ZNF507: variants seen among roughly 807,000 people sequenced by gnomAD.
ZNF507 encodes the protein zinc finger protein 507.
In ZNF507, 29 loss-of-function variants were observed where a neutral mutation model predicts 80.0. The observed-to-expected ratio is 0.36, with a 90% CI of 0.27 to 0.49. The LOEUF (loss-of-function observed/expected upper bound fraction) is 0.49. Ranked by LOEUF, ZNF507 falls within the 20% of genes least tolerant of loss-of-function variation. The pLI, the probability that ZNF507 is intolerant of heterozygous loss-of-function variation, is 0.98. For synonymous variants in ZNF507, 462 were observed against 422.5 expected (o/e 1.09, Z -1.15); for missense variants, 1,081 against 1,152.2 (o/e 0.94, Z 0.90).
intron 5 of ZNF507, among the ~76,000 whole-genome samples, chr19:32,374,681 C>T (rs1455899873): frequency 6.6e-6 from 1 of 152,036 alleles, no homozygotes; most frequent in East Asian, 1.9e-4. Flanking sequence ...AGGGTTTTAC[C>T]ATGTTGGCCA....
rs1335222066 is a variant in ZNF507 at position 32,352,892 on chromosome 19, T to C, written c.62T>C (p.Leu21Pro). 2 of 1,612,494 alleles carry C rather than the reference T, an allele frequency of 1.2e-6. No homozygotes were observed. Among genetic ancestry groups the C allele is most frequent in the Non-Finnish European group, 1.7e-6 (2 of 1,179,644 alleles). The change falls in exon 3 of 7, where the codon CTG becomes CCG. Residue 21 changes from leucine to proline, a missense_variant. Leu to Pro is a moderately conservative substitution (Grantham distance 98). Around this residue, in one of 6 missense-constraint regions of ZNF507, gnomAD observed 275 missense variants for 303.9 expected, o/e 0.90. Transcript: ENST00000355898. ...GATATTGGGGAACAGGAAGCTATACTGACTGCTGAAAGTATCATCAGTCCT... is the reference window on the plus strand; with the variant it reads ...GATATTGGGGAACAGGAAGCTATACCGACTGCTGAAAGTATCATCAGTCCT... ...VPDIGEQEAI[L>P]TAESIISPSL... is the part of the protein sequence containing the mutation.
chr19:32,381,121 C>G (rs1599560648), intron 5 of ZNF507, among the ~76,000 whole-genome samples: 1 of 152,098 alleles, frequency 6.6e-6, no homozygotes, highest in African/African-American at 2.4e-5. Context: ...ACCATACATG[C>G]ATATCGCTAT....
intron 5 of ZNF507, 39 bp from the exon 6 acceptor site, chr19:32,382,428 G>A: frequency 6.2e-7 from 1 of 1,605,566 alleles, no homozygotes; most frequent in East Asian, 2.2e-5. Context: ...CTGATGTTAT[G>A]GGACCGTTCT....
rs1967637599 is a variant in ZNF507 at position 32,382,584 on chromosome 19, G to A, written c.2478G>A (p.Ala826=). ...YEQVNKAIND[A]ISQSGRVLGK... ...AAGTAAACAAGGCTATTAACGACGC[G>A]ATTTCACAAAGTGGCAGGTATTTCA... The change falls in exon 6 of 7, where the codon GCG becomes GCA. Residue 826 remains alanine (A), a synonymous_variant. Transcript: ENST00000355898. The A allele has an allele frequency of 3.7e-6, 6 of 1,614,128 alleles. 1 individual carries two copies. Among genetic ancestry groups the A allele is most frequent in the East Asian group, 4.5e-5 (2 of 44,880 alleles).
rs562447749 is a variant in ZNF507, at chr19:32,367,940, G to A, written c.2360+7322G>A. On this transcript the variant is annotated intron_variant, in intron 5 of 6. Coordinates refer to ENST00000355898, the MANE Select transcript of ZNF507 (RefSeq NM_001136156.2). ...ACCCGGTGTGCTAAGCATTCAATAC[G>A]TGTCAGTTCAGTCCTCACAGCAGCC... Among the ~76,000 whole-genome samples, 4 of 152,286 alleles carry A rather than the reference G, an allele frequency of 2.6e-5. No homozygotes were observed. The East Asian group carries it at 7.7e-4, about 29-fold the overall frequency.
At position 32,353,937 on chromosome 19, in the gene ZNF507, G is replaced by A. The variant is rs757490118; in HGVS notation, c.1107G>A (p.Glu369=). 8 of 1,614,138 alleles carry A rather than the reference G, an allele frequency of 5.0e-6. No homozygotes were observed. In the Admixed American group the frequency reaches 1.3e-4, roughly 27 times the overall value. ...TGCTAGAAGTGATTTCTGATGCAGA[G>A]GAGAATCTGATTCCTGATAGCCTGC... ...EEMLEVISDA[E]ENLIPDSLLT... The change falls in exon 3 of 7, where the codon GAG becomes GAA. Residue 369 remains glutamate, a synonymous_variant. Transcript: ENST00000355898.
chr19:32,353,477 T>C lies in ZNF507; in HGVS notation c.647T>C (p.Val216Ala), dbSNP rs746929834. 3 of 1,614,080 alleles carry C rather than the reference T, an allele frequency of 1.9e-6. No individual in the cohort carries two copies. The highest frequency in any genetic ancestry group is 2.5e-6 in the Non-Finnish European group (3 of 1,180,052). Residue 216 changes from valine to alanine, a missense_variant, in exon 3 of 7, where the codon GTA (valine) becomes GCA (alanine). Val to Ala is a moderately conservative substitution (Grantham distance 64). Transcript: ENST00000355898. ...AATGAAACCATTCCAGATATCCCAG[T>C]AAGTGTGGACAATCTACAGACTCAT... ...ERNETIPDIP[V>A]SVDNLQTHTV...
At chr19:32,351,053 C>A (rs963780031) in intron 2 of ZNF507, among the ~76,000 whole-genome samples, 2 of 152,174 alleles carry the variant, frequency 1.3e-5, no homozygotes, top group African/African-American at 4.8e-5. Flanking sequence ...GACTTTTGTT[C>A]CTTCTACCTG....
Position 32,353,755 on chromosome 19 carries a change from A to C in ZNF507, c.925A>C (p.Ile309Leu), listed in dbSNP as rs753333532. The change falls in exon 3 of 7, where the codon ATT (isoleucine) becomes CTT (leucine). Residue 309 changes from isoleucine to leucine, a missense_variant. By Grantham distance (5) the Ile-to-Leu change is conservative. This residue lies in a region of ZNF507 where 614 missense variants were observed against 583.9 expected (regional missense o/e 1.05). Coordinates refer to ENST00000355898, the MANE Select transcript of ZNF507 (RefSeq NM_001136156.2). ...TGGGGTCGATGCAGTCGTCATTGCTATTGGAGAGAGTGAACTGAGTATCCA... is the reference window on the plus strand; with the variant it reads ...TGGGGTCGATGCAGTCGTCATTGCTCTTGGAGAGAGTGAACTGAGTATCCA... ...PGGVDAVVIA[I>L]GESELSIHNG... 13 of 1,614,038 alleles carry C rather than the reference A, an allele frequency of 8.1e-6. No homozygotes were observed. Among genetic ancestry groups the C allele is most frequent in the Non-Finnish European group, 1.1e-5 (13 of 1,180,028 alleles).
chr19:32,368,741 G>A (rs569650095), intron 5 of ZNF507, among the ~76,000 whole-genome samples: 5 of 152,308 alleles, frequency 3.3e-5, no homozygotes, highest in Non-Finnish European at 4.4e-5. Context: ...GATCTCTCAG[G>A]TTCATCACAA....
At chr19:32,367,295 C>T (rs1047636937) in intron 5 of ZNF507, among the ~76,000 whole-genome samples, 1 of 152,182 alleles carries the variant, frequency 6.6e-6, no homozygotes, top group Admixed American at 6.5e-5. Flanking sequence ...ATGACCCAGT[C>T]GCCTCTGCCC....
intron 5 of ZNF507, among the ~76,000 whole-genome samples, chr19:32,363,885 ATGTC>A (rs1413676013): frequency 1.3e-5 from 2 of 152,264 alleles, no homozygotes; most frequent in Admixed American, 1.3e-4. Context: ...TCCCCATGCT[ATGTC>A]TGGCTGCTCT....
At chr19:32,356,981 C>A in intron 4 of ZNF507, 1 of 369,820 alleles carries the variant, frequency 2.7e-6, no homozygotes, top group Non-Finnish European at 4.9e-6. Flanking sequence ...ACTTAAGAGC[C>A]CCTTAGAAGG....
At chr19:32,373,974 C>G (rs1967509535) in intron 5 of ZNF507, among the ~76,000 whole-genome samples, 1 of 152,186 alleles carries the variant, frequency 6.6e-6, no homozygotes, top group Admixed American at 6.5e-5. Flanking sequence ...TGCTTAGTCA[C>G]TGGGCATGAT....
Position 32,383,215 on chromosome 19 carries a change from A to T in ZNF507, c.*132A>T. On this transcript the variant is annotated 3_prime_UTR_variant, in exon 7 of 7. Transcript: ENST00000355898. ...GATTTTTGAGGAAATGACAGATGTG[A>T]CTTTGGAACCAAACTTGTAATAAAA... The T allele has an allele frequency of 8.3e-7, 1 of 1,209,804 alleles. No individual in the cohort carries two copies. Among genetic ancestry groups the T allele is most frequent in the Non-Finnish European group, 1.1e-6 (1 of 874,528 alleles). 74.9% of individuals were successfully genotyped at this position (1,209,804 alleles called of 1,614,324 possible).
At chr19:32,355,930 C>G (rs549182927) in intron 3 of ZNF507, among the ~76,000 whole-genome samples, 1 of 151,940 alleles carries the variant, frequency 6.6e-6, no homozygotes, top group East Asian at 1.9e-4. Context: ...ACCTGGGAGG[C>G]GGAGCTTGCA....
At chr19:32,345,923 T>G (rs950387212) in intron 1 of ZNF507, 140 bp downstream of exon 1, 1 of 152,852 alleles carries the variant, frequency 6.5e-6, no homozygotes, top group African/African-American at 2.4e-5. Flanking sequence ...AAGCCCCAAG[T>G]TCCGTGTCCC....
rs1967646548 is a variant in ZNF507, at chr19:32,383,154, C to G, written c.*71C>G. 6.6e-7 allele frequency: 1 copy of G among 1,516,622 alleles called. No individual in the cohort carries two copies. Among genetic ancestry groups the G allele is most frequent in the Non-Finnish European group, 8.9e-7 (1 of 1,129,774 alleles). 93.9% of individuals were successfully genotyped at this position (1,516,622 alleles called of 1,614,324 possible). On this transcript the variant is annotated 3_prime_UTR_variant, in exon 7 of 7. Coordinates refer to ENST00000355898, the MANE Select transcript of ZNF507 (RefSeq NM_001136156.2). ...CACCACAGTTTCACCTTTACGCTGT[C>G]AGACAACTTCCTGCCACAGAAGAAG... is the stretch of plus-strand genomic sequence containing the variant.
chr19:32,365,194 T>A (rs1305151475), intron 5 of ZNF507, among the ~76,000 whole-genome samples: 1 of 152,198 alleles, frequency 6.6e-6, no homozygotes, highest in East Asian at 1.9e-4. Context: ...GGATTGATTG[T>A]TTTTTTCCTA....
Sources: gnomAD v4.1 joint callset for allele counts (sites outside exome capture counted in the v4.1 genomes callset) on GRCh38, gnomAD v4.1.1 for gene constraint, gnomAD v4.1.1 regional missense constraint, MANE v1.5 for transcripts, NCBI Gene and HGNC (gene_info 2026-07-23, HGNC 2026-07-21) for gene names.